The following PCDHA5 variants were observed in gnomAD, a reference collection of about 807,000 sequenced individuals.
The protein encoded by PCDHA5 is protocadherin alpha 5, also known as protocadherin alpha-5.
In PCDHA5, 43 loss-of-function variants were observed where a neutral mutation model predicts 61.6. That is an observed-to-expected ratio of 0.70 (90% CI 0.55 to 0.90). The LOEUF is 0.90. PCDHA5 is among the 40% of genes least tolerant of loss of function. The pLI is 0.00. For missense variants in PCDHA5, 1,298 were observed against 1,222.7 expected, an observed-to-expected ratio of 1.06 and a Z score of -0.92; for synonymous variants, 627 against 543.9, an observed-to-expected ratio of 1.15 and a Z score of -2.13.
At chr5:140,942,900 GA>G (rs1383279314) in intron 1 of PCDHA5, among the ~76,000 whole-genome samples, 1 of 151,718 alleles carries the variant, frequency 6.6e-6, no homozygotes, top group Non-Finnish European at 1.5e-5. Context: ...TTATCTCTAA[GA>G]ATAAGCGTGA....
intron 1 of PCDHA5, among the ~76,000 whole-genome samples, chr5:140,846,281 T>G (rs1780295705): frequency 6.7e-6 from 1 of 149,458 alleles, no homozygotes; most frequent in Non-Finnish European, 1.5e-5. Context: ...CAATTTATGT[T>G]GTAGTTCTAT....
At chr5:140,961,345 C>T (rs1440791542) in intron 1 of PCDHA5, among the ~76,000 whole-genome samples, 1 of 152,136 alleles carries the variant, frequency 6.6e-6, no homozygotes, top group Non-Finnish European at 1.5e-5. Context: ...AGAGTGGATC[C>T]CTGTAGTCCC....
At chr5:140,875,600 C>A (rs2055640130) in intron 1 of PCDHA5, 5 of 1,613,766 alleles carry the variant, frequency 3.1e-6, no homozygotes, top group African/African-American at 1.3e-5. Flanking sequence ...AAACACGGCA[C>A]CTTCGTGGGC....
At chr5:140,915,290 C>G (rs1583944127) in intron 1 of PCDHA5, among the ~76,000 whole-genome samples, 1 of 152,254 alleles carries the variant, frequency 6.6e-6, no homozygotes, top group African/African-American at 2.4e-5. Flanking sequence ...ACTCTTTCTA[C>G]TTAAGATAAG....
intron 1 of PCDHA5, among the ~76,000 whole-genome samples, chr5:140,946,631 T>TATATATATATATATATATACACAC (rs57893927): frequency 7.6e-6 from 1 of 131,846 alleles, no homozygotes; most frequent in South Asian, 2.2e-4. Context: ...TATATATATA[T>TATATATATATATATATATACACAC]ACAATGGAAT....
In PCDHA5 at chr5:141,011,725, TGCAA is replaced by T. The variant is rs1283017882; in HGVS notation, c.*1792_*1795del. 6.5e-6 allele frequency: 1 copy of T among 153,742 alleles called. No individual in the cohort carries two copies. The highest frequency in any genetic ancestry group is 1.5e-5 in the Non-Finnish European group (1 of 68,032). The allele number at this position is 153,742 out of a possible 1,614,324, so 9.5% of individuals were successfully genotyped here. ...ATACTGACAATATTCCATGAGGGTG[TGCAA>T]GCACAAATTTTACCAATCTGACCTC... On this transcript the variant is annotated 3_prime_UTR_variant, in exon 4 of 4. Coordinates refer to ENST00000529859, the MANE Select transcript of PCDHA5 (RefSeq NM_018908.3).
intron 1 of PCDHA5, chr5:140,968,816 G>A: frequency 6.2e-7 from 1 of 1,614,144 alleles, no homozygotes. Context: ...GGTGGATAGG[G>A]TTTCCAAAAT....
intron 1 of PCDHA5, chr5:140,857,969 T>A: frequency 6.3e-7 from 1 of 1,596,804 alleles, no homozygotes; most frequent in Non-Finnish European, 8.6e-7. Context: ...TGAGACTGAC[T>A]CGCCACGCCA....
chr5:140,910,103 T>C (rs1485345908), intron 1 of PCDHA5, among the ~76,000 whole-genome samples: 2 of 152,192 alleles, frequency 1.3e-5, no homozygotes, highest in Admixed American at 6.5e-5. Flanking sequence ...CTCCCCTTCA[T>C]TTAAGGGATT....
intron 1 of PCDHA5, chr5:140,870,169 C>T: frequency 6.2e-7 from 1 of 1,614,140 alleles, no homozygotes; most frequent in Non-Finnish European, 8.5e-7. Flanking sequence ...TTCCTTGTCC[C>T]TCCCAGTACG....
At chr5:140,828,306 A>G (rs1554131180) in intron 1 of PCDHA5, 3 of 1,613,930 alleles carry the variant, frequency 1.9e-6, no homozygotes, top group Non-Finnish European at 2.5e-6. Context: ...AAAGACCGCG[A>G]GGACCTTCTG....
At chr5:140,829,826 G>C (rs2150175496) in intron 1 of PCDHA5, 2 of 1,613,796 alleles carry the variant, frequency 1.2e-6, no homozygotes, top group East Asian at 4.5e-5. Context: ...TGCAGTGAGC[G>C]AGCTGGTGCC....
At chr5:140,914,097 A>G (rs191641220) in intron 1 of PCDHA5, among the ~76,000 whole-genome samples, 38 of 152,298 alleles carry the variant, frequency 2.5e-4, no homozygotes, top group Admixed American at 9.2e-4. Flanking sequence ...AATTTGTTCT[A>G]TAGTGCAGAT....
At chr5:140,869,980 A>G (rs782258774) in intron 1 of PCDHA5, 91 of 1,613,262 alleles carry the variant, frequency 5.6e-5, no homozygotes, top group Non-Finnish European at 7.5e-5. Context: ...ACACTTATTT[A>G]CACTAGATCA....
intron 1 of PCDHA5, among the ~76,000 whole-genome samples, chr5:140,847,087 C>G (rs192682814): frequency 6.7e-6 from 1 of 149,796 alleles, no homozygotes; most frequent in Non-Finnish European, 1.5e-5. Flanking sequence ...GAAAAGTCCA[C>G]TTTGGTTAAA....
At chr5:140,853,330 G>A in intron 1 of PCDHA5, 1 of 984,768 alleles carries the variant, frequency 1.0e-6, no homozygotes, top group South Asian at 4.7e-5. Flanking sequence ...TTTATCTTTT[G>A]AGGTCATTAG....
In PCDHA5 at chr5:140,857,031, C is replaced by A. The variant is rs782539359; in HGVS notation, c.2352+32904C>A. 6 of 1,596,318 alleles carry A rather than the reference C, an allele frequency of 3.8e-6. No homozygotes were observed. The South Asian group carries it at 6.6e-5, about 18-fold the overall frequency. On this transcript the variant is annotated intron_variant, in intron 1 of 3. Coordinates refer to ENST00000529859, the MANE Select transcript of PCDHA5 (RefSeq NM_018908.3). The stretch of plus-strand genomic sequence containing the variant: ...GATGTTACAGATAAGGGAAACCCAC[C>A]TATGGTTGGTCACTGCACGGTCCTA...
At chr5:140,846,553 T>G (rs1374500814) in intron 1 of PCDHA5, among the ~76,000 whole-genome samples, 5 of 148,228 alleles carry the variant, frequency 3.4e-5, no homozygotes, top group Non-Finnish European at 7.5e-5. Context: ...TTTTTGTATT[T>G]TTAGTAGAGT....
At chr5:140,911,271 C>G (rs2075400243) in intron 1 of PCDHA5, among the ~76,000 whole-genome samples, 1 of 152,072 alleles carries the variant, frequency 6.6e-6, no homozygotes, top group Non-Finnish European at 1.5e-5. Flanking sequence ...TCTCAGTGTC[C>G]CCAGCTTCAT....
Sources: allele counts gnomAD v4.1 joint callset (sites outside exome capture counted in the v4.1 genomes callset), GRCh38; gene constraint gnomAD v4.1.1; transcripts MANE v1.5; gene names NCBI Gene and HGNC (gene_info 2026-07-23, HGNC 2026-07-21).